Variants in CLTA observed in about 807,000 individuals in gnomAD.
CLTA encodes the protein clathrin light chain A.
CLTA carries 9 observed loss-of-function variants against 26.9 expected under a neutral mutation model. The ratio of observed to expected loss-of-function variants is 0.33; its 90% CI spans 0.20 to 0.58. The LOEUF (loss-of-function observed/expected upper bound fraction) is 0.58. Ranked by LOEUF, CLTA falls within the 20% of genes least tolerant of loss-of-function variation. The pLI is 0.85. For missense variants in CLTA, 278 were observed against 294.2 expected (o/e 0.94, Z 0.40); for synonymous variants, 120 against 115.5 (o/e 1.04, Z -0.25).
chr9:36,193,497 T>A (rs1356367903), intron 1 of CLTA, among the ~76,000 whole-genome samples: 2 of 152,138 alleles, frequency 1.3e-5, no homozygotes. Flanking sequence ...TGTGGCATCT[T>A]TAGGATTACA....
At chr9:36,191,685 AAAAT>A (rs1465745087) in intron 1 of CLTA, among the ~76,000 whole-genome samples, 1 of 152,224 alleles carries the variant, frequency 6.6e-6, no homozygotes, top group Non-Finnish European at 1.5e-5. Flanking sequence ...AGGGCGGAAA[AAAAT>A]AAGAATGGAA....
Position 36,211,878 on chromosome 9 carries a change from C to T in CLTA, c.*104C>T, listed in dbSNP as rs3628. ...TATGTTGAGTTCTTTTGGACCAAAC[C>T]TTTTTGTCTTTAGAGTTGTTCATTG... On this transcript the variant is annotated 3_prime_UTR_variant, in exon 5 of 5. Coordinates refer to ENST00000345519, the MANE Select transcript of CLTA (RefSeq NM_001833.4). 9,624 of 962,600 alleles carry T rather than the reference C, an allele frequency of 1.0e-2. 77 individuals carry two copies. Among genetic ancestry groups the T allele is most frequent in the Non-Finnish European group, 0.013 (8,163 of 639,656 alleles). 59.6% of individuals were successfully genotyped at this position (962,600 alleles called of 1,614,324 possible).
rs944467682 is a variant in CLTA, at chr9:36,210,324, T to C, written c.486-1279T>C. Among the ~76,000 whole-genome samples, 6 of 152,138 alleles carry C rather than the reference T, an allele frequency of 3.9e-5. No individual in the cohort carries two copies. The South Asian group carries it at 1.2e-3, about 31-fold the overall frequency. ...TTGAGATGTTCATCCCCTTAGAAGA[T>C]AGAACTGGGTTTCCTGGGCCCCCAG... On this transcript the variant is annotated intron_variant, in intron 4 of 4. Transcript: ENST00000345519.
intron 1 of CLTA, among the ~76,000 whole-genome samples, chr9:36,192,004 C>T (rs1183545502): frequency 6.6e-6 from 1 of 152,152 alleles, no homozygotes; most frequent in Non-Finnish European, 1.5e-5. Context: ...AGAATGTTCT[C>T]AGCCAAACTC....
At chr9:36,210,867 T>A (rs1318234743) in intron 4 of CLTA, among the ~76,000 whole-genome samples, 3 of 152,218 alleles carry the variant, frequency 2.0e-5, no homozygotes, top group Admixed American at 6.5e-5. Context: ...AGCGCTGTCC[T>A]TTCCGGCTGT....
Position 36,198,965 on chromosome 9 carries a change from T to G in CLTA, c.256-14T>G. On this transcript the variant is annotated splice_polypyrimidine_tract_variant and intron_variant, in intron 2 of 4. Coordinates refer to ENST00000345519, the MANE Select transcript of CLTA (RefSeq NM_001833.4). ...TTTTGGTATTAATATAGCACAATTGTGTTTTGTGTTAAGGAAAGTAATGGT... is the reference window on the plus strand; with the variant it reads ...TTTTGGTATTAATATAGCACAATTGGGTTTTGTGTTAAGGAAAGTAATGGT... 1.3e-6 allele frequency: 2 copies of G among 1,563,836 alleles called. No homozygotes were observed. The highest frequency in any genetic ancestry group is 3.3e-5 in the Admixed American group (2 of 59,876).
At chr9:36,207,193 T>C (rs1370314422) in intron 4 of CLTA, among the ~76,000 whole-genome samples, 2 of 152,240 alleles carry the variant, frequency 1.3e-5, no homozygotes, top group Non-Finnish European at 2.9e-5. Flanking sequence ...CCAGACTGCA[T>C]CTCCCTTCTT....
intron 4 of CLTA, among the ~76,000 whole-genome samples, chr9:36,210,268 A>G (rs1450690114): frequency 6.6e-6 from 1 of 152,188 alleles, no homozygotes; most frequent in Non-Finnish European, 1.5e-5. Context: ...CGATGAGCTC[A>G]GGTCTGTAGA....
At chr9:36,202,296 C>T (rs1034399491) in intron 3 of CLTA, among the ~76,000 whole-genome samples, 1 of 152,126 alleles carries the variant, frequency 6.6e-6, no homozygotes, top group African/African-American at 2.4e-5. Flanking sequence ...TTACACACAG[C>T]CTTTTGCAGG....
intron 4 of CLTA, among the ~76,000 whole-genome samples, chr9:36,209,604 G>A (rs957184215): frequency 6.6e-5 from 10 of 152,132 alleles, no homozygotes; most frequent in African/African-American, 2.2e-4. Context: ...TCTGGGAACG[G>A]TTTGAGGCTC....
At chr9:36,207,394 G>C (rs1316389161) in intron 4 of CLTA, among the ~76,000 whole-genome samples, 2 of 152,216 alleles carry the variant, frequency 1.3e-5, no homozygotes, top group African/African-American at 4.8e-5. Flanking sequence ...GTGCTTGTCA[G>C]CTCTTTCAAG....
intron 4 of CLTA, chr9:36,209,335 T>G (rs758649934): frequency 1.3e-6 from 2 of 1,560,006 alleles, no homozygotes; most frequent in East Asian, 2.2e-5. Flanking sequence ...GTTGCAAAAC[T>G]AATTCCTTTT....
intron 2 of CLTA, 100 bp from the exon 3 acceptor site, chr9:36,198,874 CAAAAA>C: frequency 1.0e-4 from 46 of 449,908 alleles, no homozygotes; most frequent in Non-Finnish European, 1.4e-4. Context: ...AACTCTGTCT[CAAAAA>C]AAAAAAAAAA....
chr9:36,211,086 C>G (rs1432775305), intron 4 of CLTA, among the ~76,000 whole-genome samples: 1 of 152,214 alleles, frequency 6.6e-6, no homozygotes, highest in Non-Finnish European at 1.5e-5. Context: ...TGGCTTTAGT[C>G]TCTAGTGCTT....
At position 36,197,997 on chromosome 9, in the gene CLTA, C is replaced by CTTTT. The variant is rs11308341; in HGVS notation, c.255+427_255+430dup. Among the ~76,000 whole-genome samples the CTTTT allele has an allele frequency of 3.6e-3, 378 of 104,204 alleles. 7 individuals carry two copies. Among genetic ancestry groups the CTTTT allele is most frequent in the Non-Finnish European group, 4.7e-3 (248 of 52,800 alleles). 68.4% of individuals were successfully genotyped at this position (104,204 alleles called of 152,430 possible). A position where few individuals can be genotyped will look rare whatever the true frequency, so the allele number is the denominator to read the frequency against. ...TGTAAAGATTAACATTTATTTGAGT[C>CTTTT]TTTTTTTTTTTTTTTTTTTTTGAGA... On this transcript the variant is annotated intron_variant, in intron 2 of 4. Transcript: ENST00000345519.
chr9:36,191,422 T>C, intron 1 of CLTA, 149 bp downstream of exon 1: 1 of 985,606 alleles, frequency 1.0e-6, no homozygotes, highest in Non-Finnish European at 1.4e-6. Context: ...GGCCCGGTCT[T>C]TCAGAAACCT....
chr9:36,206,079 G>C (rs1237083359), intron 4 of CLTA, among the ~76,000 whole-genome samples: 1 of 152,120 alleles, frequency 6.6e-6, no homozygotes, highest in Admixed American at 6.5e-5. Context: ...GTTTTTAGGA[G>C]CTCAGTCTTA....
chr9:36,211,228 A>G (rs1031843276), intron 4 of CLTA, among the ~76,000 whole-genome samples: 18 of 152,248 alleles, frequency 1.2e-4, no homozygotes, highest in Non-Finnish European at 2.1e-4. Context: ...CTTGAAATTC[A>G]GTACAGCCCA....
intron 1 of CLTA, among the ~76,000 whole-genome samples, chr9:36,193,043 A>G (rs1295294432): frequency 6.6e-6 from 1 of 152,264 alleles, no homozygotes; most frequent in Non-Finnish European, 1.5e-5. Context: ...TAGAACTGAC[A>G]GATCTTGGTG....
Sources: allele counts gnomAD v4.1 joint callset (sites outside exome capture counted in the v4.1 genomes callset), GRCh38; gene constraint gnomAD v4.1.1; transcripts MANE v1.5; gene names NCBI Gene and HGNC (gene_info 2026-07-23, HGNC 2026-07-21).